Variants in ATP10B observed in about 807,000 individuals in gnomAD.
The protein encoded by ATP10B is ATPase phospholipid transporting 10B (putative).
Under a neutral mutation model 141.2 loss-of-function variants are expected in ATP10B, and 122 were observed. The observed-to-expected ratio is 0.86, with a 90% confidence interval of 0.75 to 1.00. ATP10B has a LOEUF of 1.00. Ranked by LOEUF, ATP10B falls within the 50% of genes least tolerant of loss-of-function variation. The probability of loss-of-function intolerance (pLI) is 0.00; values close to 1 mark genes in which losing one functional copy is unlikely to be tolerated. For synonymous variants in ATP10B, 685 were observed against 692.0 expected (o/e 0.99, Z 0.16); for missense variants, 1,876 against 1,825.3 (o/e 1.03, Z -0.51).
chr5:160,874,777 G>C, the ATP10B span, among the ~76,000 whole-genome samples: 2 of 151,034 alleles, frequency 1.3e-5, no homozygotes, highest in African/African-American at 2.4e-5. Flanking sequence ...TGGAAGAAAG[G>C]GTATCAGCAA....
the ATP10B span, among the ~76,000 whole-genome samples, chr5:160,918,739 C>T: frequency 2.6e-5 from 4 of 152,032 alleles, no homozygotes; most frequent in African/African-American, 9.7e-5. Context: ...TCAGAATGTC[C>T]ACCAGCCAAG....
At chr5:160,858,041 A>G in the ATP10B span, among the ~76,000 whole-genome samples, 25 of 152,008 alleles carry the variant, frequency 1.6e-4, no homozygotes, top group South Asian at 3.3e-3. Flanking sequence ...TAAAATTTTT[A>G]TATTCGATTT....
At chr5:160,873,725 G>A in the ATP10B span, among the ~76,000 whole-genome samples, 2 of 152,274 alleles carry the variant, frequency 1.3e-5, no homozygotes, top group Non-Finnish European at 2.9e-5. Context: ...CACTTGGGAA[G>A]TGCAAGGGGT....
intron 1 of ATP10B, among the ~76,000 whole-genome samples, chr5:160,810,186 T>G (rs1364458537): frequency 6.6e-6 from 1 of 152,112 alleles, no homozygotes; most frequent in African/African-American, 2.4e-5. Flanking sequence ...TTCTTATTAT[T>G]TTTCAACTAT....
rs547117532 is a variant in ATP10B at position 160,625,636 on chromosome 5, A to G, written c.1621-3051T>C. Reference sequence around the variant, plus strand: ...CACCTGACTCCCATCCTCTTATAACACACTGCTTTGTTCCAAGCTATGCAT... The same window carrying G: ...CACCTGACTCCCATCCTCTTATAACGCACTGCTTTGTTCCAAGCTATGCAT... On this transcript the variant is annotated intron_variant, in intron 13 of 25. Transcript: ENST00000327245. 1.9e-4 allele frequency among the ~76,000 whole-genome samples: 29 copies of G among 152,254 alleles called. No individual in the cohort carries two copies. In the South Asian group the frequency reaches 2.7e-3, roughly 14 times the overall value.
rs796766455 is a variant in ATP10B at position 160,653,648 on chromosome 5, T to TATATATAC, written c.676-4400_676-4393dup. Among the ~76,000 whole-genome samples the TATATATAC allele has an allele frequency of 5.8e-3, 459 of 79,184 alleles. 5 individuals carry two copies. The highest frequency in any genetic ancestry group is 0.023 in the African/African-American group (409 of 18,128). The allele number at this position is 79,184 out of a possible 152,430, so 51.9% of individuals were successfully genotyped here. A position where few individuals can be genotyped will look rare whatever the true frequency, so the allele number is the denominator to read the frequency against. On this transcript the variant is annotated intron_variant, in intron 7 of 25. Transcript: ENST00000327245. ...TATATATACATATATACATATATAT[T>TATATATAC]ATATATACATATATACATATATATT...
intron 1 of ATP10B, among the ~76,000 whole-genome samples, chr5:160,839,751 T>G (rs1222911684): frequency 6.6e-6 from 1 of 151,972 alleles, no homozygotes; most frequent in Non-Finnish European, 1.5e-5. Context: ...AATATAGCAG[T>G]TTTTAAAAAG....
chr5:160,820,812 G>A (rs1774044382), intron 1 of ATP10B, among the ~76,000 whole-genome samples: 1 of 152,076 alleles, frequency 6.6e-6, no homozygotes, highest in Non-Finnish European at 1.5e-5. Context: ...TTCTATTGAT[G>A]CTGAAAAAGC....
chr5:160,709,217 C>A (rs1327523185), intron 3 of ATP10B, among the ~76,000 whole-genome samples: 2 of 152,204 alleles, frequency 1.3e-5, no homozygotes, highest in Admixed American at 1.3e-4. Context: ...GGAGGAAACT[C>A]TTAGGGCACA....
At chr5:160,653,429 T>TATATTAC (rs1386995222) in intron 7 of ATP10B, among the ~76,000 whole-genome samples, 5 of 26,270 alleles carry the variant, frequency 1.9e-4, no homozygotes, top group East Asian at 1.1e-3. Flanking sequence ...TATATATACA[T>TATATTAC]ATGTACATAC....
intron 1 of ATP10B, among the ~76,000 whole-genome samples, chr5:160,787,150 AT>A: frequency 7.0e-6 from 1 of 142,900 alleles, no homozygotes; most frequent in African/African-American, 2.6e-5. Flanking sequence ...ACACACACAC[AT>A]TATTTGAACT....
intron 9 of ATP10B, among the ~76,000 whole-genome samples, chr5:160,641,207 C>A (rs535440033): frequency 1.1e-4 from 17 of 152,234 alleles, no homozygotes; most frequent in Non-Finnish European, 2.9e-5. Context: ...GAAGGGAGGC[C>A]TGAAGGGAAA....
At chr5:160,694,084 G>A (rs913057654) in intron 3 of ATP10B, among the ~76,000 whole-genome samples, 1 of 152,186 alleles carries the variant, frequency 6.6e-6, no homozygotes, top group Non-Finnish European at 1.5e-5. Flanking sequence ...TTGTGAGTGC[G>A]GATTCCAAGC....
chr5:160,785,432 CTGTTT>C (rs904686248), intron 2 of ATP10B, 122 bp downstream of exon 2: 88 of 305,690 alleles, frequency 2.9e-4, no homozygotes, highest in African/African-American at 1.5e-3. Context: ...TTTTTTTGTT[CTGTTT>C]TGTTTTGTTT....
the ATP10B span, among the ~76,000 whole-genome samples, chr5:160,897,205 T>A: frequency 6.6e-6 from 1 of 152,068 alleles, no homozygotes; most frequent in African/African-American, 2.4e-5. Context: ...CAATCAGGCA[T>A]GAGAAAGAAA....
At chr5:160,628,766 G>A (rs1036111451) in intron 13 of ATP10B, among the ~76,000 whole-genome samples, 1 of 151,964 alleles carries the variant, frequency 6.6e-6, no homozygotes, top group African/African-American at 2.4e-5. Context: ...TCTTGGCTGC[G>A]TACAGACAAG....
chr5:160,686,836 G>T, intron 5 of ATP10B: 1 of 498,978 alleles, frequency 2.0e-6, no homozygotes, highest in Non-Finnish European at 2.6e-6. Context: ...CTGGAGCATA[G>T]CAGTTGCTCA....
the ATP10B span, among the ~76,000 whole-genome samples, chr5:160,881,579 G>A: frequency 3.3e-5 from 5 of 152,230 alleles, no homozygotes; most frequent in South Asian, 6.2e-4. Context: ...TTGGGAGGCC[G>A]AGGCGGGTGG....
chr5:160,927,707 C>T, the ATP10B span, among the ~76,000 whole-genome samples: 3 of 152,156 alleles, frequency 2.0e-5, no homozygotes, highest in Non-Finnish European at 2.9e-5. Flanking sequence ...CCAAGCCCAG[C>T]GGACACAGTA....
Sources: allele counts gnomAD v4.1 joint callset (sites outside exome capture counted in the v4.1 genomes callset), GRCh38; gene constraint gnomAD v4.1.1; transcripts MANE v1.5; gene names NCBI Gene and HGNC (gene_info 2026-07-23, HGNC 2026-07-21).